Variants in DUSP22 observed in about 807,000 individuals in gnomAD.
DUSP22 encodes dual specificity protein phosphatase 22.
DUSP22 carries 24 observed loss-of-function variants against 24.5 expected under a neutral mutation model. The ratio of observed to expected loss-of-function variants is 0.98; its 90% confidence interval spans 0.71 to 1.38. DUSP22 has a LOEUF of 1.38. Ranked by LOEUF, DUSP22 falls within the 40% of genes most tolerant of loss-of-function variation. The pLI, the probability that DUSP22 is intolerant of heterozygous loss-of-function variation, is 0.00. For synonymous variants in DUSP22, 160 were observed against 106.4 expected (o/e 1.50, Z -3.10); for missense variants, 330 against 269.2 (o/e 1.23, Z -1.58).
chr6:346,823 G>A (rs895050282), intron 5 of DUSP22, among the ~76,000 whole-genome samples: 2 of 152,282 alleles, frequency 1.3e-5, no homozygotes, highest in African/African-American at 2.4e-5. Flanking sequence ...GAGGTTGGTG[G>A]CAGCCCTGCC....
chr6:304,622 T>C lies in DUSP22; in HGVS notation c.22-6T>C. On this transcript the variant is annotated splice_polypyrimidine_tract_variant and splice_region_variant and intron_variant, in intron 1 of 6. Coordinates refer to ENST00000419235, the MANE Select transcript of DUSP22 (RefSeq NM_001286555.3). ...ATGCTCATGTCTGTGTCTGTCTCTC[T>C]CCTAGATCCTGCCCGGCCTGTACAT... 1 of 1,614,264 alleles carries C rather than the reference T, an allele frequency of 6.2e-7. No individual in the cohort carries two copies. Among genetic ancestry groups the C allele is most frequent in the Non-Finnish European group, 8.5e-7 (1 of 1,180,020 alleles).
intron 1 of DUSP22, among the ~76,000 whole-genome samples, chr6:293,439 A>G (rs918616263): frequency 3.3e-5 from 5 of 152,292 alleles, no homozygotes; most frequent in Non-Finnish European, 5.9e-5. Context: ...AAAGACAAGT[A>G]CCTTTTTACG....
At chr6:345,489 C>T (rs1048257946) in intron 4 of DUSP22, among the ~76,000 whole-genome samples, 12 of 152,394 alleles carry the variant, frequency 7.9e-5, no homozygotes, top group Admixed American at 1.3e-4. Context: ...GGATTACAGG[C>T]GTGAGCCACC....
At chr6:322,822 C>T (rs1198043061) in intron 3 of DUSP22, among the ~76,000 whole-genome samples, 1 of 61,946 alleles carries the variant, frequency 1.6e-5, no homozygotes, top group Non-Finnish European at 2.9e-5. Flanking sequence ...TGGGTTATGG[C>T]TGCTTGGTGG....
chr6:311,775 A>C (rs1241378075), intron 2 of DUSP22, 105 bp from the exon 3 acceptor site: 5 of 1,259,508 alleles, frequency 4.0e-6, no homozygotes, highest in Non-Finnish European at 5.4e-6. Flanking sequence ...TTCAGGAAAG[A>C]AATATGCAAG....
chr6:350,808 T>C lies in DUSP22; in HGVS notation c.*1857T>C. 6.2e-7 allele frequency: 1 copy of C among 1,614,272 alleles called. No homozygotes were observed. The highest frequency in any genetic ancestry group is 8.5e-7 in the Non-Finnish European group (1 of 1,180,026). ...GTTTTAATATTTGTTGCCAGTAATGTTCTTTCTTCACAGCCGCTCCGGGAA... is the reference window on the plus strand; with the variant it reads ...GTTTTAATATTTGTTGCCAGTAATGCTCTTTCTTCACAGCCGCTCCGGGAA... On this transcript the variant is annotated 3_prime_UTR_variant, in exon 7 of 7. Transcript: ENST00000419235.
chr6:300,122 T>A (rs1757513679), intron 1 of DUSP22, among the ~76,000 whole-genome samples: 1 of 152,310 alleles, frequency 6.6e-6, no homozygotes, highest in South Asian at 2.1e-4. Context: ...CCACAGTATT[T>A]TAGTGGTTTT....
At chr6:344,768 G>C (rs1759775886) in intron 4 of DUSP22, among the ~76,000 whole-genome samples, 1 of 152,308 alleles carries the variant, frequency 6.6e-6, no homozygotes, top group South Asian at 2.1e-4. Flanking sequence ...TCTCCACTGA[G>C]CTGCAGACAG....
intron 2 of DUSP22, among the ~76,000 whole-genome samples, chr6:307,531 G>A (rs1346298332): frequency 6.6e-6 from 1 of 152,308 alleles, no homozygotes; most frequent in Non-Finnish European, 1.5e-5. Context: ...TTTGGTGAGA[G>A]CCTCTCTGTT....
intron 1 of DUSP22, among the ~76,000 whole-genome samples, chr6:294,306 CTT>C (rs1243655845): frequency 1.3e-5 from 2 of 152,382 alleles, no homozygotes; most frequent in East Asian, 3.9e-4. Context: ...TGCTTCAACA[CTT>C]ATTGATTATG....
chr6:324,533 ACTCTCCCACCCCGTGGACGTT>A (rs1370269495), intron 3 of DUSP22, among the ~76,000 whole-genome samples: 2 of 152,174 alleles, frequency 1.3e-5, no homozygotes, highest in Admixed American at 1.3e-4. Flanking sequence ...ATTTCTCTCC[ACTCTCCCACCCCGTGGACGTT>A]CTTTCTGCCC....
rs750819088 is a variant in DUSP22, at chr6:304,613, C to T, written c.22-15C>T. On this transcript the variant is annotated splice_polypyrimidine_tract_variant and intron_variant, in intron 1 of 6. Coordinates refer to ENST00000419235, the MANE Select transcript of DUSP22 (RefSeq NM_001286555.3). ...GAGTCTGCCATGCTCATGTCTGTGT[C>T]TGTCTCTCTCCTAGATCCTGCCCGG... The T allele has an allele frequency of 6.2e-6, 10 of 1,614,126 alleles. No individual in the cohort carries two copies. Among genetic ancestry groups the T allele is most frequent in the Non-Finnish European group, 7.6e-6 (9 of 1,180,012 alleles).
intron 3 of DUSP22, among the ~76,000 whole-genome samples, chr6:334,325 G>C (rs1195503633): frequency 2.0e-5 from 3 of 152,290 alleles, no homozygotes; most frequent in Admixed American, 2.0e-4. Flanking sequence ...GAGAATATCA[G>C]ATTTTTATGT....
chr6:322,710 C>T (rs963125210), intron 3 of DUSP22, among the ~76,000 whole-genome samples: 10 of 151,816 alleles, frequency 6.6e-5, no homozygotes, highest in South Asian at 4.2e-4. Flanking sequence ...TTTCTTGTTC[C>T]GGGTCGGGAC....
At chr6:299,467 A>T (rs373704085) in intron 1 of DUSP22, among the ~76,000 whole-genome samples, 3,067 of 151,346 alleles carry the variant, frequency 0.02, no homozygotes, top group South Asian at 0.056. Flanking sequence ...TGAAATATTC[A>T]TGGGCCTTTT....
intron 3 of DUSP22, among the ~76,000 whole-genome samples, chr6:313,867 G>A (rs571945174): frequency 7.2e-5 from 11 of 152,418 alleles, no homozygotes; most frequent in Non-Finnish European, 1.2e-4. Flanking sequence ...GGGGCCAAAA[G>A]TTATTTGAAT....
At chr6:302,774 C>T (rs1206748608) in intron 1 of DUSP22, among the ~76,000 whole-genome samples, 2 of 152,308 alleles carry the variant, frequency 1.3e-5, no homozygotes, top group Non-Finnish European at 2.9e-5. Context: ...TTGGTTAAGC[C>T]AGCAAGGAAG....
At chr6:312,894 AGGT>A (rs1227519006) in intron 3 of DUSP22, among the ~76,000 whole-genome samples, 1 of 152,288 alleles carries the variant, frequency 6.6e-6, no homozygotes, top group Non-Finnish European at 1.5e-5. Flanking sequence ...AGAGAATCAT[AGGT>A]GGTGAACAAA....
chr6:319,051 G>A (rs1453947111), intron 3 of DUSP22, among the ~76,000 whole-genome samples: 4 of 152,410 alleles, frequency 2.6e-5, no homozygotes, highest in African/African-American at 7.2e-5. Context: ...GAAAGGACCA[G>A]GCCAGACTCC....
Sources: gnomAD v4.1 joint callset for allele counts (sites outside exome capture counted in the v4.1 genomes callset) on GRCh38, gnomAD v4.1.1 for gene constraint, MANE v1.5 for transcripts, NCBI Gene and HGNC (gene_info 2026-07-23, HGNC 2026-07-21) for gene names.